The following RASA1 variants were observed in gnomAD, a reference collection of about 807,000 sequenced individuals.
The protein encoded by RASA1 is ras GTPase-activating protein 1.
A neutral mutation model predicts 132.2 loss-of-function variants in RASA1; 25 were observed. The ratio of observed to expected loss-of-function variants is 0.19; its 90% CI spans 0.14 to 0.26. The LOEUF (loss-of-function observed/expected upper bound fraction) is 0.26. RASA1 is among the 10% of genes least tolerant of loss of function. The pLI is 1.00. For synonymous variants in RASA1, 477 were observed against 449.9 expected, an observed-to-expected ratio of 1.06 and a Z score of -0.76; for missense variants, 964 against 1,299.2, an observed-to-expected ratio of 0.74 and a Z score of 3.97.
At chr5:87,346,634 G>A (rs1318137677) in intron 6 of RASA1, 38 bp from the exon 7 acceptor site, 3 of 1,344,446 alleles carry the variant, frequency 2.2e-6, no homozygotes, top group Non-Finnish European at 3.2e-6. Flanking sequence ...ACAGCAAAAA[G>A]GACTTTATTT....
intron 1 of RASA1, among the ~76,000 whole-genome samples, chr5:87,312,647 A>G (rs2112308763): frequency 6.6e-6 from 1 of 152,322 alleles, no homozygotes; most frequent in East Asian, 1.9e-4. Flanking sequence ...AAACTAAGGG[A>G]AAGATAGTTT....
chr5:87,297,418 G>A (rs79104447), intron 1 of RASA1, among the ~76,000 whole-genome samples: 2,370 of 152,284 alleles, frequency 0.016, 70 homozygotes, highest in African/African-American at 0.055. Context: ...TGTAGTTCTA[G>A]TATTAGGTCC....
At position 87,389,346 on chromosome 5, in the gene RASA1, AAAAG is replaced by A. The variant is rs543639052; in HGVS notation, c.2926-44_2926-41del. 1.1e-4 allele frequency: 174 copies of A among 1,611,602 alleles called. No homozygotes were observed. The East Asian group carries it at 3.8e-3, about 35-fold the overall frequency. ...AACTCTGTCTCAAAAAAAACAAAAA[AAAAG>A]AAGATTTGTATTTCTAAATGCAATT... On this transcript the variant is annotated intron_variant, in intron 23 of 24. Transcript: ENST00000274376.
In RASA1 at chr5:87,280,926, C is replaced by CTT. The variant is rs199882718; in HGVS notation, c.539+11948_539+11949dup. On this transcript the variant is annotated intron_variant, in intron 1 of 24. Coordinates refer to ENST00000274376, the MANE Select transcript of RASA1 (RefSeq NM_002890.3). ...GCCTGCCACCACGCCTGGCTAATTT[C>CTT]TTTTTTTTTTTTTGAGGCTGAATAA... Among the ~76,000 whole-genome samples the CTT allele has an allele frequency of 2.3e-4, 32 of 140,440 alleles. No individual in the cohort carries two copies. In the East Asian group the frequency reaches 5.9e-3, roughly 26 times the overall value. The allele number at this position is 140,440 out of a possible 152,430, so 92.1% of individuals were successfully genotyped here.
At chr5:87,348,194 G>A (rs1758998887) in intron 7 of RASA1, among the ~76,000 whole-genome samples, 1 of 151,906 alleles carries the variant, frequency 6.6e-6, no homozygotes, top group Non-Finnish European at 1.5e-5. Flanking sequence ...TATGTATTAA[G>A]CCTTGAAGAT....
chr5:87,372,759 A>G (rs576020171), intron 13 of RASA1, among the ~76,000 whole-genome samples: 1 of 152,112 alleles, frequency 6.6e-6, no homozygotes, highest in Non-Finnish European at 1.5e-5. Flanking sequence ...TAATCCCTGT[A>G]TAATTGGAAG....
chr5:87,339,582 CA>C lies in RASA1; in HGVS notation c.1017+1493del, dbSNP rs1398167563. Among the ~76,000 whole-genome samples the C allele has an allele frequency of 4.6e-5, 7 of 151,966 alleles. No homozygotes were observed. The East Asian group carries it at 1.4e-3, about 29-fold the overall frequency. On this transcript the variant is annotated intron_variant, in intron 5 of 24. Transcript: ENST00000274376. ...TCTTGGAATTCTGGATCAAATTTAA[CA>C]AGATAACCTTTAAAGAAAAGTGAAA...
chr5:87,330,910 TG>T, intron 1 of RASA1: 1 of 1,352,650 alleles, frequency 7.4e-7, no homozygotes, highest in Non-Finnish European at 9.6e-7. Context: ...AACACTAAAA[TG>T]GAATAAAACA....
At chr5:87,275,924 A>G (rs1754043997) in intron 1 of RASA1, among the ~76,000 whole-genome samples, 1 of 152,120 alleles carries the variant, frequency 6.6e-6, no homozygotes, top group Non-Finnish European at 1.5e-5. Context: ...GACCTTTCCA[A>G]GCCCTAGTGT....
intron 1 of RASA1, chr5:87,269,426 A>C: frequency 9.5e-7 from 1 of 1,047,998 alleles, no homozygotes; most frequent in Non-Finnish European, 1.4e-6. Flanking sequence ...TATAGTAATA[A>C]TTTGAAAAAT....
chr5:87,304,532 A>G (rs561699811), intron 1 of RASA1, among the ~76,000 whole-genome samples: 11 of 151,632 alleles, frequency 7.3e-5, no homozygotes, highest in Admixed American at 3.9e-4. Flanking sequence ...CAGTGCTACA[A>G]TCTCGGCTCA....
At chr5:87,385,560 T>C (rs1190596918) in intron 22 of RASA1, among the ~76,000 whole-genome samples, 171 bp downstream of exon 22, 1 of 152,232 alleles carries the variant, frequency 6.6e-6, no homozygotes, top group African/African-American at 2.4e-5. Flanking sequence ...TACATTTTAA[T>C]AGTGGAACTT....
chr5:87,274,412 G>A (rs189425303), intron 1 of RASA1, among the ~76,000 whole-genome samples: 3 of 152,298 alleles, frequency 2.0e-5, no homozygotes. Flanking sequence ...GTCACTGATT[G>A]CATTATACAT....
At chr5:87,374,757 GTTTA>G in intron 14 of RASA1, 79 bp from the exon 15 acceptor site, 1 of 1,560,012 alleles carries the variant, frequency 6.4e-7, no homozygotes, top group Non-Finnish European at 8.7e-7. Flanking sequence ...GAAATAGGGG[GTTTA>G]TTTGATACTA....
At chr5:87,373,894 C>G (rs997692115) in intron 13 of RASA1, among the ~76,000 whole-genome samples, 1 of 151,714 alleles carries the variant, frequency 6.6e-6, no homozygotes, top group African/African-American at 2.4e-5. Flanking sequence ...AGGTGTATTT[C>G]ATTATTTCTC....
In RASA1 at chr5:87,287,072, CATATATACACACCAT is replaced by C. The variant is rs1199473684; in HGVS notation, c.539+18135_539+18149del. Among the ~76,000 whole-genome samples, 458 of 136,454 alleles carry C rather than the reference CATATATACACACCAT, an allele frequency of 3.4e-3. 2 individuals are homozygous for C. Among genetic ancestry groups the C allele is most frequent in the African/African-American group, 8.3e-3 (288 of 34,576 alleles). 89.5% of individuals were successfully genotyped at this position (136,454 alleles called of 152,430 possible). On this transcript the variant is annotated intron_variant, in intron 1 of 24. Coordinates refer to ENST00000274376, the MANE Select transcript of RASA1 (RefSeq NM_002890.3). ...ATATATACCCCATGTATATACACAC[CATATATACACACCAT>C]ATATATACACACCATATATATACAC...
intron 9 of RASA1, among the ~76,000 whole-genome samples, chr5:87,360,068 T>C (rs1759957424): frequency 6.6e-6 from 1 of 152,124 alleles, no homozygotes; most frequent in Non-Finnish European, 1.5e-5. Flanking sequence ...AGATTTTAAG[T>C]ACATCACTAC....
At chr5:87,297,710 C>T (rs993148788) in intron 1 of RASA1, among the ~76,000 whole-genome samples, 4 of 152,144 alleles carry the variant, frequency 2.6e-5, no homozygotes, top group Non-Finnish European at 4.4e-5. Context: ...TTTTTTCCTT[C>T]CCCCTACCAG....
At chr5:87,270,432 C>T (rs978375750) in intron 1 of RASA1, among the ~76,000 whole-genome samples, 10 of 149,642 alleles carry the variant, frequency 6.7e-5, no homozygotes, top group Non-Finnish European at 1.2e-4. Flanking sequence ...ACTGCAACCT[C>T]CGCCTCCCGG....
Sources: gnomAD v4.1 joint callset for allele counts (sites outside exome capture counted in the v4.1 genomes callset) on GRCh38, gnomAD v4.1.1 for gene constraint, MANE v1.5 for transcripts, NCBI Gene and HGNC (gene_info 2026-07-23, HGNC 2026-07-21) for gene names.